The following SNAI3 variants were observed in gnomAD, a reference collection of about 807,000 sequenced individuals.
SNAI3 encodes zinc finger protein SNAI3.
Under a neutral mutation model 16.4 loss-of-function variants are expected in SNAI3, and 21 were observed. The ratio of observed to expected loss-of-function variants is 1.28; its 90% CI spans 0.91 to 1.85. SNAI3 has a LOEUF of 1.85. Among genes scored for constraint, SNAI3 ranks in the 40% most tolerant of loss-of-function variants. The pLI is 0.00. For synonymous variants in SNAI3, 202 were observed against 166.6 expected (o/e 1.21, Z -1.64); for missense variants, 457 against 372.8 (o/e 1.23, Z -1.86).
At position 88,678,505 on chromosome 16, in the gene SNAI3, G is replaced by T. The variant is rs1384938497; in HGVS notation, c.822C>A (p.Phe274Leu). 1.3e-6 allele frequency: 1 copy of T among 784,468 alleles called. No homozygotes were observed. The highest frequency in any genetic ancestry group is 1.7e-5 in the Admixed American group (1 of 59,034). 48.6% of individuals were successfully genotyped at this position (784,468 alleles called of 1,614,324 possible). A position where few individuals can be genotyped will look rare whatever the true frequency, so the allele number is the denominator to read the frequency against. ...GCCGCGCCAGGAGGGACATGCGGGA[G>T]AAGGTCTTGGTGCAGCGCCGGCACC... Reference protein sequence around the residue: ...KYRCRRCTKTFSRMSLLARHE... With the variant: ...KYRCRRCTKTLSRMSLLARHE... The change falls in exon 3 of 3, where the codon TTC (phenylalanine) becomes TTA (leucine). Residue 274 changes from phenylalanine to leucine, a missense_variant. Phe to Leu is a conservative substitution (Grantham distance 22). Coordinates refer to ENST00000332281, the MANE Select transcript of SNAI3 (RefSeq NM_178310.4).
chr16:88,678,383 G>C lies in SNAI3; in HGVS notation c.*65C>G. The C allele has an allele frequency of 1.5e-6, 1 of 670,124 alleles. No individual in the cohort carries two copies. 41.5% of individuals were successfully genotyped at this position (670,124 alleles called of 1,614,324 possible). A position where few individuals can be genotyped will look rare whatever the true frequency, so the allele number is the denominator to read the frequency against. ...CTCCCAGACTCCTGGCTCCTCTGGG[G>C]GCAGGAGGGACGCCAGCTCTCCCGG... On this transcript the variant is annotated 3_prime_UTR_variant, in exon 3 of 3. Coordinates refer to ENST00000332281, the MANE Select transcript of SNAI3 (RefSeq NM_178310.4).
chr16:88,681,682 G>GC lies in SNAI3; in HGVS notation c.108dup (p.Leu37AlafsTer18), dbSNP rs777611546. On this transcript the variant is annotated frameshift_variant, in exon 2 of 3. Coordinates refer to ENST00000332281, the MANE Select transcript of SNAI3 (RefSeq NM_178310.4). LOFTEE classifies it high-confidence loss of function. This position sits in a 1 kb window ranked among gnomAD's most constrained non-coding sequence, Gnocchi z 5.4. ...TCTCGGGGGAGGAGGGGCACCACCA[G>GC]CCCCCCACAGGCAGAGCAGGCACCA... is the stretch of plus-strand genomic sequence containing the variant. 4.7e-6 allele frequency: 7 copies of GC among 1,476,294 alleles called. No homozygotes were observed. In the African/African-American group the frequency reaches 7.1e-5, roughly 15 times the overall value. The allele number at this position is 1,476,294 out of a possible 1,614,324, so 91.4% of individuals were successfully genotyped here. A position where few individuals can be genotyped will look rare whatever the true frequency, so the allele number is the denominator to read the frequency against.
At chr16:88,683,259 AT>A (rs1227173531) in intron 1 of SNAI3, among the ~76,000 whole-genome samples, 26 of 144,424 alleles carry the variant, frequency 1.8e-4, no homozygotes, top group South Asian at 1.3e-3. Flanking sequence ...TGCCTGGCTA[AT>A]TTTTTTTTTC....
chr16:88,679,504 G>A (rs946181156), intron 2 of SNAI3, among the ~76,000 whole-genome samples: 1 of 152,106 alleles, frequency 6.6e-6, no homozygotes, highest in Admixed American at 6.5e-5. Flanking sequence ...GCTCACACCT[G>A]TAATCCCAGC....
At position 88,681,060 on chromosome 16, in the gene SNAI3, C is replaced by G. The variant is rs749177855; in HGVS notation, c.697+34G>C. 18 of 1,586,346 alleles carry G rather than the reference C, an allele frequency of 1.1e-5. No individual in the cohort carries two copies. The highest frequency in any genetic ancestry group is 1.5e-5 in the Non-Finnish European group (17 of 1,159,702). On this transcript the variant is annotated intron_variant, in intron 2 of 2. Coordinates refer to ENST00000332281, the MANE Select transcript of SNAI3 (RefSeq NM_178310.4). The surrounding 1 kb of genome is among the most constrained non-coding windows in gnomAD (Gnocchi z 5.4). ...CGCAGCCCACCCTCTTCCCCCAGCC[C>G]AGACCGTCCTTGCAGACCTTCACCC... is the stretch of plus-strand genomic sequence containing the variant.
intron 1 of SNAI3, among the ~76,000 whole-genome samples, chr16:88,682,762 A>ATTGTTTTTTTTTTT (rs1909218181): frequency 1.6e-5 from 1 of 60,654 alleles, no homozygotes; most frequent in African/African-American, 6.0e-5. Flanking sequence ...TGGGCAAGGG[A>ATTGTTTTTTTTTTT]TTTTTTTTTT....
rs71158747 is a variant in SNAI3, at chr16:88,682,762, A to ATTTTTTTTTTTTTTTTTTTTTT, written c.77-1070_77-1049dup. Among the ~76,000 whole-genome samples, 107 of 60,696 alleles carry ATTTTTTTTTTTTTTTTTTTTTT rather than the reference A, an allele frequency of 1.8e-3. 26 individuals are homozygous for ATTTTTTTTTTTTTTTTTTTTTT. Among genetic ancestry groups the ATTTTTTTTTTTTTTTTTTTTTT allele is most frequent in the East Asian group, 9.2e-3 (9 of 978 alleles). The allele number at this position is 60,696 out of a possible 152,430, so 39.8% of individuals were successfully genotyped here. A position where few individuals can be genotyped will look rare whatever the true frequency, so the allele number is the denominator to read the frequency against. On this transcript the variant is annotated intron_variant, in intron 1 of 2. Transcript: ENST00000332281. ...AATACAATTTTAATATGGGCAAGGG[A>ATTTTTTTTTTTTTTTTTTTTTT]TTTTTTTTTTTTTTTTTTTTTTTTT...
In SNAI3 at chr16:88,681,579, G is replaced by A; in HGVS notation, c.212C>T (p.Pro71Leu). ...RSSAVACISL[P>L]LLPRIEEALG... ...AGCTTCCTCGATCCGTGGCAGGAGG[G>A]GCAGGGAGATGCAGGCGACGGCCGA... The change falls in exon 2 of 3, where the codon CCC (proline) becomes CTC (leucine). Residue 71 changes from proline (P) to leucine (L), a missense_variant. Coordinates refer to ENST00000332281, the MANE Select transcript of SNAI3 (RefSeq NM_178310.4). This position sits in a 1 kb window ranked among gnomAD's most constrained non-coding sequence, Gnocchi z 5.4. The A allele has an allele frequency of 6.6e-7, 1 of 1,506,090 alleles. No homozygotes were observed. Among genetic ancestry groups the A allele is most frequent in the East Asian group, 2.3e-5 (1 of 43,636 alleles). 93.3% of individuals were successfully genotyped at this position (1,506,090 alleles called of 1,614,324 possible). A position where few individuals can be genotyped will look rare whatever the true frequency, so the allele number is the denominator to read the frequency against.
At chr16:88,679,202 C>A (rs919253410) in intron 2 of SNAI3, 2 of 677,792 alleles carry the variant, frequency 3.0e-6, no homozygotes, top group African/African-American at 3.9e-5. Context: ...TGGTGGGACA[C>A]TGGGCATGCT....
Position 88,679,730 on chromosome 16 carries a change from C to T in SNAI3, c.698-1101G>A, listed in dbSNP as rs571356664. On this transcript the variant is annotated intron_variant, in intron 2 of 2. Coordinates refer to ENST00000332281, the MANE Select transcript of SNAI3 (RefSeq NM_178310.4). ...TGAGCTGACATAGAGCCACTATGGT[C>T]CGGCCTGGGCAAAAGAGTGAGACTC... 1.3e-4 allele frequency among the ~76,000 whole-genome samples: 16 copies of T among 125,026 alleles called. 1 individual carries two copies. In the South Asian group the frequency reaches 3.8e-3, roughly 30 times the overall value. The allele number at this position is 125,026 out of a possible 152,430, so 82.0% of individuals were successfully genotyped here. A position where few individuals can be genotyped will look rare whatever the true frequency, so the allele number is the denominator to read the frequency against.
rs376960449 is a variant in SNAI3, at chr16:88,681,559, C to T, written c.232G>A (p.Glu78Lys). Residue 78 changes from glutamate to lysine, a missense_variant, in exon 2 of 3, where the codon GAA (glutamate) becomes AAA (lysine). Physicochemically the swap from Glu to Lys is moderately conservative, Grantham distance 56. Coordinates refer to ENST00000332281, the MANE Select transcript of SNAI3 (RefSeq NM_178310.4). This position sits in a 1 kb window ranked among gnomAD's most constrained non-coding sequence, Gnocchi z 5.4. The part of the protein sequence containing the change: ...ISLPLLPRIE[E>K]ALGASGLDAL... ...TCCAGCCCAGAGGCCCCCAGAGCTT[C>T]CTCGATCCGTGGCAGGAGGGGCAGG... 1.6e-5 allele frequency: 24 copies of T among 1,510,366 alleles called. No homozygotes were observed. The highest frequency in any genetic ancestry group is 2.0e-5 in the Non-Finnish European group (23 of 1,128,364). The allele number at this position is 1,510,366 out of a possible 1,614,324, so 93.6% of individuals were successfully genotyped here. A position where few individuals can be genotyped will look rare whatever the true frequency, so the allele number is the denominator to read the frequency against.
intron 2 of SNAI3, among the ~76,000 whole-genome samples, chr16:88,679,761 C>CAAAA (rs567387152): frequency 5.8e-5 from 4 of 68,448 alleles, no homozygotes; most frequent in Non-Finnish European, 8.1e-5. Flanking sequence ...GACTCTGTCT[C>CAAAA]AAAAAAAAAA....
intron 1 of SNAI3, chr16:88,685,034 C>G (rs1407389484): frequency 1.3e-5 from 2 of 152,282 alleles, no homozygotes; most frequent in African/African-American, 4.8e-5. Flanking sequence ...CGGCTACTCA[C>G]GACAGTTGCC....
rs71158747 is a variant in SNAI3 at position 88,682,762 on chromosome 16, A to ATTTTTTTTTTTTTTTTTTTTTTT, written c.77-1071_77-1049dup. Among the ~76,000 whole-genome samples, 86 of 60,694 alleles carry ATTTTTTTTTTTTTTTTTTTTTTT rather than the reference A, an allele frequency of 1.4e-3. 17 individuals carry two copies. The highest frequency in any genetic ancestry group is 2.0e-3 in the East Asian group (2 of 978). The allele number at this position is 60,694 out of a possible 152,430, so 39.8% of individuals were successfully genotyped here. On this transcript the variant is annotated intron_variant, in intron 1 of 2. Coordinates refer to ENST00000332281, the MANE Select transcript of SNAI3 (RefSeq NM_178310.4). ...AATACAATTTTAATATGGGCAAGGG[A>ATTTTTTTTTTTTTTTTTTTTTTT]TTTTTTTTTTTTTTTTTTTTTTTTT...
intron 2 of SNAI3, among the ~76,000 whole-genome samples, chr16:88,680,819 C>T (rs1484391584): frequency 6.6e-6 from 1 of 152,124 alleles, no homozygotes; most frequent in African/African-American, 2.4e-5. Context: ...TGGTCCTGAA[C>T]CCCTGGCTTG....
intron 1 of SNAI3, among the ~76,000 whole-genome samples, chr16:88,684,370 A>G (rs1280528172): frequency 6.6e-6 from 1 of 152,176 alleles, no homozygotes; most frequent in Non-Finnish European, 1.5e-5. Context: ...GGGGCAAGAG[A>G]CAGTCTCGCC....
At chr16:88,679,613 T>C (rs1909092010) in intron 2 of SNAI3, among the ~76,000 whole-genome samples, 1 of 150,068 alleles carries the variant, frequency 6.7e-6, no homozygotes, top group Non-Finnish European at 1.5e-5. Flanking sequence ...ACACAAAAAA[T>C]CAGCTGGGCG....
At chr16:88,682,762 A>ATGTGTTTTTTTTTT (rs1909218039) in intron 1 of SNAI3, among the ~76,000 whole-genome samples, 1 of 60,654 alleles carries the variant, frequency 1.6e-5, no homozygotes, top group Non-Finnish European at 3.0e-5. Context: ...TGGGCAAGGG[A>ATGTGTTTTTTTTTT]TTTTTTTTTT....
At chr16:88,685,331 C>T (rs1252988595) in intron 1 of SNAI3, 1 of 152,112 alleles carries the variant, frequency 6.6e-6, no homozygotes, top group African/African-American at 2.4e-5. Flanking sequence ...CAGCCCGGGC[C>T]TCGGGTGTGG....
Sources: allele counts gnomAD v4.1 joint callset (sites outside exome capture counted in the v4.1 genomes callset), GRCh38; gene constraint gnomAD v4.1.1; non-coding constraint Gnocchi (gnomAD v3.1); transcripts MANE v1.5; gene names NCBI Gene and HGNC (gene_info 2026-07-23, HGNC 2026-07-21).